SFXN1: variants seen among roughly 807,000 people sequenced by gnomAD.
SFXN1 encodes sideroflexin-1.
Under a neutral mutation model 39.5 loss-of-function variants are expected in SFXN1, and 32 were observed. The ratio of observed to expected loss-of-function variants is 0.81; its 90% CI spans 0.61 to 1.09. The LOEUF is 1.09. SFXN1 is among the 50% of genes least tolerant of loss of function. SFXN1 has a pLI of 0.00. For synonymous variants in SFXN1, 136 were observed against 146.5 expected (o/e 0.93, Z 0.52); for missense variants, 402 against 407.1 (o/e 0.99, Z 0.11).
At chr5:175,493,158 C>T (rs1759722164) in intron 2 of SFXN1, among the ~76,000 whole-genome samples, 1 of 151,844 alleles carries the variant, frequency 6.6e-6, no homozygotes, top group Admixed American at 6.6e-5. Flanking sequence ...GAGGCTGAGG[C>T]AGGAGAATGG....
chr5:175,526,742 A>G lies in SFXN1; in HGVS notation c.*8A>G, dbSNP rs1761074903. 1.2e-6 allele frequency: 2 copies of G among 1,606,580 alleles called. No individual in the cohort carries two copies. Among genetic ancestry groups the G allele is most frequent in the Non-Finnish European group, 1.7e-6 (2 of 1,173,190 alleles). The stretch of plus-strand genomic sequence containing the variant: ...TTCAATAAGGGATTGTAAAGCAGGG[A>G]GGAAACCTCTGCAGCTCATTCTGCC... On this transcript the variant is annotated 3_prime_UTR_variant, in exon 11 of 11. Coordinates refer to ENST00000321442, the MANE Select transcript of SFXN1 (RefSeq NM_022754.7).
At chr5:175,510,648 G>T (rs1353875518) in intron 4 of SFXN1, among the ~76,000 whole-genome samples, 3 of 152,104 alleles carry the variant, frequency 2.0e-5, no homozygotes, top group Admixed American at 1.3e-4. Context: ...ATGGCGGTGT[G>T]AACTTTATAT....
At chr5:175,504,003 CAAAAAA>C (rs56776430) in intron 2 of SFXN1, among the ~76,000 whole-genome samples, 22 of 51,988 alleles carry the variant, frequency 4.2e-4, no homozygotes, top group South Asian at 9.3e-4. Context: ...CACTCCATCT[CAAAAAA>C]AAAAAAAAAA....
chr5:175,513,833 G>A, intron 7 of SFXN1: 1 of 383,924 alleles, frequency 2.6e-6, no homozygotes, highest in South Asian at 2.9e-5. Context: ...GGAGGTGTGG[G>A]AGTGAGCCAA....
At chr5:175,502,861 T>TAATAATA (rs1554100915) in intron 2 of SFXN1, among the ~76,000 whole-genome samples, 6 of 151,090 alleles carry the variant, frequency 4.0e-5, no homozygotes, top group Admixed American at 2.6e-4. Context: ...ATAATAATAA[T>TAATAATA]AATAAATAAA....
chr5:175,523,223 C>T (rs889775096), intron 10 of SFXN1: 1 of 152,318 alleles, frequency 6.6e-6, no homozygotes, highest in South Asian at 2.1e-4. Flanking sequence ...TGTCTCCGAC[C>T]CTGCTGTTCT....
At chr5:175,499,654 C>A (rs1389315562) in intron 2 of SFXN1, among the ~76,000 whole-genome samples, 1 of 152,148 alleles carries the variant, frequency 6.6e-6, no homozygotes, top group Non-Finnish European at 1.5e-5. Context: ...GGGGAAGGTA[C>A]AACTACAAAA....
intron 7 of SFXN1, 156 bp downstream of exon 7, chr5:175,513,746 A>G (rs750637309): frequency 2.6e-6 from 2 of 769,648 alleles, no homozygotes; most frequent in Non-Finnish European, 4.1e-6. Flanking sequence ...AGTATGTAGT[A>G]TGTGCAGTGG....
At chr5:175,480,267 T>G (rs866534296) in intron 1 of SFXN1, among the ~76,000 whole-genome samples, 19 of 151,912 alleles carry the variant, frequency 1.3e-4, no homozygotes, top group Middle Eastern at 6.3e-3. Flanking sequence ...TGGGCGTGGT[T>G]GCGGGCGCCT....
chr5:175,526,504 A>T, intron 10 of SFXN1, 134 bp from the exon 11 acceptor site: 1 of 669,620 alleles, frequency 1.5e-6, no homozygotes, highest in Non-Finnish European at 2.7e-6. Flanking sequence ...TTCTAGCCGC[A>T]TGAAGCATTT....
In SFXN1 at chr5:175,528,962, T is replaced by G. The variant is rs1409799004; in HGVS notation, c.*2228T>G. ...GTAGCTCCATTTCAGAATGTTAACC[T>G]CCAGTGAAGAGCTAATGACTGGTTA... On this transcript the variant is annotated 3_prime_UTR_variant, in exon 11 of 11. Transcript: ENST00000321442. 6.6e-6 allele frequency: 1 copy of G among 152,184 alleles called. No individual in the cohort carries two copies. The highest frequency in any genetic ancestry group is 1.9e-4 in the East Asian group (1 of 5,198). The allele number at this position is 152,184 out of a possible 1,614,324, so 9.4% of individuals were successfully genotyped here.
chr5:175,501,441 A>C (rs192718691), intron 2 of SFXN1, among the ~76,000 whole-genome samples: 1 of 152,198 alleles, frequency 6.6e-6, no homozygotes. Flanking sequence ...AGAGAAAAAC[A>C]CTGATAAATT....
At chr5:175,501,873 A>C (rs1047365266) in intron 2 of SFXN1, among the ~76,000 whole-genome samples, 10 of 151,886 alleles carry the variant, frequency 6.6e-5, no homozygotes, top group African/African-American at 2.2e-4. Flanking sequence ...CAAGACGGGA[A>C]TTGCAATGGA....
intron 2 of SFXN1, among the ~76,000 whole-genome samples, chr5:175,500,464 G>A (rs1247450501): frequency 7.0e-6 from 1 of 142,758 alleles, no homozygotes; most frequent in African/African-American, 2.6e-5. Flanking sequence ...AAATTACAGA[G>A]AAAAAAACAG....
intron 10 of SFXN1, chr5:175,523,875 C>T (rs114823165): frequency 2.0e-5 from 3 of 151,862 alleles, no homozygotes; most frequent in Non-Finnish European, 4.4e-5. Context: ...TTCTTGAGGT[C>T]TCTGGCTCCT....
In SFXN1 at chr5:175,513,569, C is replaced by G; in HGVS notation, c.703C>G (p.Leu235Val). 1 of 1,613,876 alleles carries G rather than the reference C, an allele frequency of 6.2e-7. No homozygotes were observed. Among genetic ancestry groups the G allele is most frequent in the Non-Finnish European group, 8.5e-7 (1 of 1,179,898 alleles). The change falls in exon 7 of 11, where the codon CTC becomes GTC. Residue 235 changes from leucine (L) to valine (V), a missense_variant. By Grantham distance (32) the Leu-to-Val change is conservative. Coordinates refer to ENST00000321442, the MANE Select transcript of SFXN1 (RefSeq NM_022754.7). ...AITQVVVSRI[L>V]MAAPGMAIPP... ...CACGCAAGTTGTCGTGTCCAGGATT[C>G]TCATGGCAGCCCCTGGCATGGGTTA...
In SFXN1 at chr5:175,506,897, C is replaced by T. The variant is rs1197419485; in HGVS notation, c.165-2135C>T. Among the ~76,000 whole-genome samples the T allele has an allele frequency of 3.3e-5, 5 of 152,194 alleles. 1 individual carries two copies. The highest frequency in any genetic ancestry group is 2.0e-4 in the Admixed American group (3 of 15,276). ...GCCAGTCTGGTCTTGAACTCCTGAC[C>T]TCGTGATCCACCCACCTTGGCCTCC... is the stretch of plus-strand genomic sequence containing the variant. On this transcript the variant is annotated intron_variant, in intron 2 of 10. Transcript: ENST00000321442.
intron 5 of SFXN1, among the ~76,000 whole-genome samples, 191 bp from the exon 6 acceptor site, chr5:175,511,920 T>C (rs1172466409): frequency 6.6e-6 from 1 of 152,168 alleles, no homozygotes; most frequent in African/African-American, 2.4e-5. Flanking sequence ...CTTAGAAGCT[T>C]GCATGGTCCC....
At chr5:175,497,827 A>C (rs556182824) in intron 2 of SFXN1, among the ~76,000 whole-genome samples, 1 of 151,576 alleles carries the variant, frequency 6.6e-6, no homozygotes, top group South Asian at 2.1e-4. Context: ...CTACTGGGGA[A>C]GCTGAGGCAG....
Sources: gnomAD v4.1 joint callset for allele counts (sites outside exome capture counted in the v4.1 genomes callset) on GRCh38, gnomAD v4.1.1 for gene constraint, MANE v1.5 for transcripts, NCBI Gene and HGNC (gene_info 2026-07-23, HGNC 2026-07-21) for gene names.